The following PIWIL2 variants were observed in gnomAD, a reference collection of about 807,000 sequenced individuals.
PIWIL2 encodes the protein piwi-like protein 2.
PIWIL2 carries 81 observed loss-of-function variants against 116.5 expected under a neutral mutation model. The ratio of observed to expected loss-of-function variants is 0.70; its 90% CI spans 0.58 to 0.84. The LOEUF (loss-of-function observed/expected upper bound fraction) is 0.84. PIWIL2 is among the 40% of genes least tolerant of loss of function. The probability of loss-of-function intolerance (pLI) is 0.00; values close to 1 mark genes in which losing one functional copy is unlikely to be tolerated. For missense variants in PIWIL2, 1,272 were observed against 1,212.3 expected (o/e 1.05, Z -0.73); for synonymous variants, 489 against 429.5 (o/e 1.14, Z -1.71).
chr8:22,336,447 A>G (rs569073020), intron 20 of PIWIL2, among the ~76,000 whole-genome samples: 8 of 152,220 alleles, frequency 5.3e-5, no homozygotes, highest in Non-Finnish European at 7.3e-5. Flanking sequence ...ACAAAAATAC[A>G]ACATATCAAA....
chr8:22,297,633 G>C (rs1830941034), intron 10 of PIWIL2, among the ~76,000 whole-genome samples: 1 of 152,142 alleles, frequency 6.6e-6, no homozygotes, highest in South Asian at 2.1e-4. Context: ...CCTGCAGTGG[G>C]GATTTACAGT....
rs568533647 is a variant in PIWIL2, at chr8:22,335,045, A to T, written c.2403+16770A>T. ...ACTCTAGCCTGGGTGACAGAGTGAG[A>T]CTCTTGTCTCAAAAAAAAAAAAAAA... On this transcript the variant is annotated intron_variant, in intron 20 of 22. Transcript: ENST00000356766. Among the ~76,000 whole-genome samples, 13 of 139,538 alleles carry T rather than the reference A, an allele frequency of 9.3e-5. No homozygotes were observed. The South Asian group carries it at 1.3e-3, about 14-fold the overall frequency. The allele number at this position is 139,538 out of a possible 152,430, so 91.5% of individuals were successfully genotyped here.
At chr8:22,312,377 G>A (rs774035896) in intron 16 of PIWIL2, among the ~76,000 whole-genome samples, 1 of 151,782 alleles carries the variant, frequency 6.6e-6, no homozygotes, top group Admixed American at 6.6e-5. Context: ...CAATCCTTCC[G>A]CCTCAGCCTT....
At chr8:22,281,987 G>A (rs1391104633) in intron 4 of PIWIL2, among the ~76,000 whole-genome samples, 1 of 151,154 alleles carries the variant, frequency 6.6e-6, no homozygotes, top group Non-Finnish European at 1.5e-5. Flanking sequence ...TCGCCAGGCT[G>A]GTCTTGAGCT....
At position 22,288,651 on chromosome 8, in the gene PIWIL2, A is replaced by G. The variant is rs1830686993; in HGVS notation, c.971A>G (p.Asn324Ser). 3.1e-6 allele frequency: 5 copies of G among 1,609,552 alleles called. No individual in the cohort carries two copies. The South Asian group carries it at 5.5e-5, about 18-fold the overall frequency. ...TCTGACCTGTGCATTCCCTTCTACAATGTTGTTTTCCGTCGGTAAGAAAAC... is the reference window on the plus strand; with the variant it reads ...TCTGACCTGTGCATTCCCTTCTACAGTGTTGTTTTCCGTCGGTAAGAAAAC... ...PCSDLCIPFY[N>S]VVFRRVMKLL... The change falls in exon 8 of 23, where the codon AAT becomes AGT. Residue 324 changes from asparagine to serine, a missense_variant. Coordinates refer to ENST00000356766, the MANE Select transcript of PIWIL2 (RefSeq NM_018068.5).
At chr8:22,281,589 A>C (rs1830503897) in intron 4 of PIWIL2, 74 bp downstream of exon 4, 4 of 1,233,060 alleles carry the variant, frequency 3.2e-6, no homozygotes, top group Admixed American at 2.7e-5. Flanking sequence ...GAGCAACTCT[A>C]AGAAGAGTTG....
intron 10 of PIWIL2, among the ~76,000 whole-genome samples, chr8:22,297,419 C>T (rs1167237299): frequency 6.6e-6 from 1 of 152,146 alleles, no homozygotes; most frequent in Non-Finnish European, 1.5e-5. Context: ...TTGCACCTGG[C>T]CCTTGGTTTA....
chr8:22,328,755 A>G (rs147648007), intron 20 of PIWIL2, among the ~76,000 whole-genome samples: 76 of 147,208 alleles, frequency 5.2e-4, no homozygotes, highest in African/African-American at 1.6e-3. Flanking sequence ...TAGAAACACA[A>G]CTGTTTTTAT....
chr8:22,354,447 A>G, intron 22 of PIWIL2, 69 bp downstream of exon 22: 1 of 913,456 alleles, frequency 1.1e-6, no homozygotes, highest in Non-Finnish European at 1.8e-6. Context: ...AGATGGGCTC[A>G]CTGTTCACCC....
At chr8:22,285,977 T>C (rs1294615934) in intron 6 of PIWIL2, among the ~76,000 whole-genome samples, 3 of 152,138 alleles carry the variant, frequency 2.0e-5, no homozygotes, top group Non-Finnish European at 2.9e-5. Flanking sequence ...AAGGTAGCTA[T>C]ACTAGGAAGG....
intron 10 of PIWIL2, among the ~76,000 whole-genome samples, chr8:22,297,010 A>C (rs778831371): frequency 1.4e-5 from 2 of 147,282 alleles, no homozygotes; most frequent in Non-Finnish European, 3.0e-5. Flanking sequence ...TTATTTTTTG[A>C]TGGAATCTCA....
chr8:22,331,637 T>A lies in PIWIL2; in HGVS notation c.2403+13362T>A, dbSNP rs1005457125. On this transcript the variant is annotated intron_variant, in intron 20 of 22. Coordinates refer to ENST00000356766, the MANE Select transcript of PIWIL2 (RefSeq NM_018068.5). Reference sequence around the variant, plus strand: ...TAAACTCAGTACATGGGTGTATTAGTTTGCTACAAATGACATAACAAAGTA... The same window carrying A: ...TAAACTCAGTACATGGGTGTATTAGATTGCTACAAATGACATAACAAAGTA... 4.2e-4 allele frequency among the ~76,000 whole-genome samples: 64 copies of A among 152,128 alleles called. 1 individual carries two copies. The highest frequency in any genetic ancestry group is 1.5e-3 in the African/African-American group (63 of 41,378).
intron 8 of PIWIL2, among the ~76,000 whole-genome samples, chr8:22,289,387 G>A (rs1280570855): frequency 1.3e-5 from 2 of 152,028 alleles, no homozygotes; most frequent in Non-Finnish European, 1.5e-5. Flanking sequence ...TTTTGACCTC[G>A]TGATCTGTCC....
At chr8:22,282,064 TG>T (rs1365260284) in intron 4 of PIWIL2, among the ~76,000 whole-genome samples, 1 of 144,668 alleles carries the variant, frequency 6.9e-6, no homozygotes, top group Non-Finnish European at 1.5e-5. Context: ...TGAGCCCCAC[TG>T]TGCGTGGACT....
intron 8 of PIWIL2, among the ~76,000 whole-genome samples, chr8:22,289,427 A>G (rs1032712531): frequency 1.3e-5 from 2 of 152,164 alleles, no homozygotes; most frequent in Non-Finnish European, 2.9e-5. Context: ...CTGGGATTAG[A>G]GGCGTAAGCC....
chr8:22,321,395 G>A (rs967713915), intron 20 of PIWIL2, among the ~76,000 whole-genome samples: 1 of 152,176 alleles, frequency 6.6e-6, no homozygotes, highest in African/African-American at 2.4e-5. Flanking sequence ...TTACGGGCAT[G>A]AGCCACTGCG....
intron 6 of PIWIL2, among the ~76,000 whole-genome samples, chr8:22,285,019 C>T (rs1335643293): frequency 1.3e-5 from 2 of 152,078 alleles, no homozygotes; most frequent in East Asian, 1.9e-4. Flanking sequence ...TATATGTATA[C>T]ATTGTAGAAA....
chr8:22,327,024 CTTTTTTTTTT>C (rs71544876), intron 20 of PIWIL2, among the ~76,000 whole-genome samples: 2 of 105,470 alleles, frequency 1.9e-5, no homozygotes, highest in African/African-American at 3.7e-5. Flanking sequence ...TGTTTTTTTA[CTTTTTTTTTT>C]TTTTTTTTTT....
chr8:22,304,823 A>G lies in PIWIL2; in HGVS notation c.1410A>G (p.Pro470=). The change falls in exon 12 of 23, where the codon CCA becomes CCG. Residue 470 remains proline (P), a synonymous_variant. Transcript: ENST00000356766. The part of the protein sequence containing the change: ...YGITVKEEDQ[P]LLIHRPSERQ... ...TCACAGTTAAGGAAGAGGACCAGCC[A>G]TTGCTGATTCACAGGCCCAGTGAGA... 6.2e-7 allele frequency: 1 copy of G among 1,613,666 alleles called. No individual in the cohort carries two copies. The highest frequency in any genetic ancestry group is 2.2e-5 in the East Asian group (1 of 44,880).
Sources: gnomAD v4.1 joint callset for allele counts (sites outside exome capture counted in the v4.1 genomes callset) on GRCh38, gnomAD v4.1.1 for gene constraint, MANE v1.5 for transcripts, NCBI Gene and HGNC (gene_info 2026-07-23, HGNC 2026-07-21) for gene names.